Variants in CDH10 observed in about 807,000 individuals in gnomAD.
CDH10 encodes cadherin 10.
A neutral mutation model predicts 73.1 loss-of-function variants in CDH10; 30 were observed. That is an observed-to-expected ratio of 0.41 (90% confidence interval 0.31 to 0.56). The LOEUF (loss-of-function observed/expected upper bound fraction) is 0.56, where lower values mean the gene tolerates loss of function less well. Ranked by LOEUF, CDH10 falls within the 20% of genes least tolerant of loss-of-function variation. The pLI is 0.27. For missense variants in CDH10, 815 were observed against 973.7 expected, an observed-to-expected ratio of 0.84 and a Z score of 2.17; for synonymous variants, 345 against 348.2, an observed-to-expected ratio of 0.99 and a Z score of 0.10.
At chr5:24,598,936 T>C (rs1385753103) in intron 1 of CDH10, among the ~76,000 whole-genome samples, 5 of 152,094 alleles carry the variant, frequency 3.3e-5, no homozygotes, top group African/African-American at 1.2e-4. Flanking sequence ...AGTGGGTAGA[T>C]AAAACATATG....
chr5:24,494,664 A>C (rs1579714523), intron 9 of CDH10, among the ~76,000 whole-genome samples: 1 of 152,206 alleles, frequency 6.6e-6, no homozygotes, highest in South Asian at 2.1e-4. Context: ...TGCAGTTCAG[A>C]AAACAAATAG....
chr5:24,495,856 CAAA>C (rs59901498), intron 9 of CDH10, among the ~76,000 whole-genome samples: 2 of 120,912 alleles, frequency 1.7e-5, no homozygotes, highest in Admixed American at 8.6e-5. Flanking sequence ...CTTCCTCAAA[CAAA>C]AAAAAAAAAA....
chr5:24,491,857 G>A, intron 10 of CDH10, 30 bp from the exon 11 acceptor site: 2 of 1,460,302 alleles, frequency 1.4e-6, no homozygotes, highest in South Asian at 2.5e-5. Flanking sequence ...ATTACAAATG[G>A]TTTGGGATAG....
At chr5:24,505,825 A>G (rs1186498638) in intron 7 of CDH10, among the ~76,000 whole-genome samples, 2 of 152,204 alleles carry the variant, frequency 1.3e-5, no homozygotes, top group Non-Finnish European at 2.9e-5. Context: ...AAAATAGAAA[A>G]GTCTGGATGG....
At chr5:24,569,665 TAGC>T (rs1745296594) in intron 2 of CDH10, among the ~76,000 whole-genome samples, 1 of 152,184 alleles carries the variant, frequency 6.6e-6, no homozygotes, top group African/African-American at 2.4e-5. Context: ...AATAAAATTT[TAGC>T]AGATAACATT....
At chr5:24,501,911 T>C (rs1211677768) in intron 8 of CDH10, among the ~76,000 whole-genome samples, 3 of 152,164 alleles carry the variant, frequency 2.0e-5, no homozygotes, top group Non-Finnish European at 4.4e-5. Context: ...TTAGATGTTT[T>C]ATTCTCCACA....
intron 2 of CDH10, among the ~76,000 whole-genome samples, chr5:24,573,467 C>T (rs1490115149): frequency 1.3e-5 from 2 of 151,700 alleles, no homozygotes; most frequent in Non-Finnish European, 2.9e-5. Context: ...TTTGGGAGGC[C>T]GAGGCAGGCA....
At chr5:24,542,883 G>A (rs1483310422) in intron 2 of CDH10, among the ~76,000 whole-genome samples, 3 of 151,970 alleles carry the variant, frequency 2.0e-5, no homozygotes, top group East Asian at 3.9e-4. Flanking sequence ...ACACCTAAGC[G>A]CCTCACAAAG....
At position 24,616,202 on chromosome 5, in the gene CDH10, C is replaced by T. The variant is rs549296085; in HGVS notation, c.-123-22589G>A. On this transcript the variant is annotated intron_variant, in intron 1 of 11. Coordinates refer to ENST00000264463, the MANE Select transcript of CDH10 (RefSeq NM_006727.5). Reference sequence around the variant, plus strand: ...ATCTAGCCTTGGCAAACAAAGTAAACTTCCATTTTCTCATTTTTCTGTTGC... The same window carrying T: ...ATCTAGCCTTGGCAAACAAAGTAAATTTCCATTTTCTCATTTTTCTGTTGC... Among the ~76,000 whole-genome samples, 73 of 151,298 alleles carry T rather than the reference C, an allele frequency of 4.8e-4. No individual in the cohort carries two copies. The South Asian group carries it at 0.012, about 24-fold the overall frequency.
chr5:24,588,887 A>AACATTT (rs1198397018), intron 2 of CDH10, among the ~76,000 whole-genome samples: 2 of 152,208 alleles, frequency 1.3e-5, no homozygotes, highest in Non-Finnish European at 2.9e-5. Flanking sequence ...CTTCAATCTT[A>AACATTT]ACATTTAGTA....
At chr5:24,596,227 A>T (rs1211476164) in intron 1 of CDH10, among the ~76,000 whole-genome samples, 1 of 151,944 alleles carries the variant, frequency 6.6e-6, no homozygotes, top group Admixed American at 6.6e-5. Context: ...ACTTTAGTAT[A>T]AATATCACTA....
At chr5:24,504,278 A>G (rs1025324714) in intron 8 of CDH10, among the ~76,000 whole-genome samples, 1 of 152,048 alleles carries the variant, frequency 6.6e-6, no homozygotes, top group African/African-American at 2.4e-5. Context: ...TCTTATCATC[A>G]AAAATGGGAA....
chr5:24,490,668 TTTG>T lies in CDH10; in HGVS notation c.1876+905_1876+907del, dbSNP rs762543111. Among the ~76,000 whole-genome samples, 8 of 152,134 alleles carry T rather than the reference TTTG, an allele frequency of 5.3e-5. No homozygotes were observed. In the South Asian group the frequency reaches 1.0e-3, roughly 20 times the overall value. On this transcript the variant is annotated intron_variant, in intron 11 of 11. Coordinates refer to ENST00000264463, the MANE Select transcript of CDH10 (RefSeq NM_006727.5). ...AACGTGGAAATATTTTTAATCCATTTTTGTTGTTGTTGCAGGCCTTAACTTCAT... is the reference window on the plus strand; with the variant it reads ...AACGTGGAAATATTTTTAATCCATTTTTGTTGTTGCAGGCCTTAACTTCAT...
intron 2 of CDH10, among the ~76,000 whole-genome samples, chr5:24,581,285 AT>A: frequency 6.6e-6 from 1 of 152,268 alleles, no homozygotes; most frequent in South Asian, 2.1e-4. Flanking sequence ...TGCAGTAACT[AT>A]TTCTTCTTCA....
intron 2 of CDH10, among the ~76,000 whole-genome samples, chr5:24,555,069 C>G (rs1317705540): frequency 6.6e-6 from 1 of 151,852 alleles, no homozygotes; most frequent in African/African-American, 2.4e-5. Context: ...TCAAATAACT[C>G]TTTTTTATAA....
Position 24,498,387 on chromosome 5 carries a change from T to C in CDH10, c.1515+11A>G. Reference sequence around the variant, plus strand: ...AAATCTTTCCAGAGTTTTAATCCTGTAGGGGCTTACCTGCCCTGGTCTGGC... The same window carrying C: ...AAATCTTTCCAGAGTTTTAATCCTGCAGGGGCTTACCTGCCCTGGTCTGGC... On this transcript the variant is annotated intron_variant, in intron 9 of 11. Transcript: ENST00000264463. The C allele has an allele frequency of 1.3e-6, 2 of 1,585,870 alleles. No individual in the cohort carries two copies. Among genetic ancestry groups the C allele is most frequent in the Non-Finnish European group, 1.7e-6 (2 of 1,159,964 alleles).
At chr5:24,603,740 C>G (rs1290143135) in intron 1 of CDH10, among the ~76,000 whole-genome samples, 2 of 152,026 alleles carry the variant, frequency 1.3e-5, no homozygotes, top group African/African-American at 4.8e-5. Context: ...GCTAACGTTT[C>G]CCCCGTATAT....
chr5:24,490,173 GA>G (rs1741997850), intron 11 of CDH10, among the ~76,000 whole-genome samples: 2 of 151,924 alleles, frequency 1.3e-5, no homozygotes, highest in African/African-American at 4.8e-5. Context: ...TATTTTAATA[GA>G]ACAAGTTTTC....
intron 2 of CDH10, among the ~76,000 whole-genome samples, chr5:24,571,967 T>C (rs533407481): frequency 6.7e-6 from 1 of 149,474 alleles, no homozygotes; most frequent in South Asian, 2.2e-4. Flanking sequence ...AAAACACTGC[T>C]ACAAATAAAA....
Sources: allele counts gnomAD v4.1 joint callset (sites outside exome capture counted in the v4.1 genomes callset), GRCh38; gene constraint gnomAD v4.1.1; transcripts MANE v1.5; gene names NCBI Gene and HGNC (gene_info 2026-07-23, HGNC 2026-07-21).